The following TMEM135 variants were observed in gnomAD, a reference collection of about 807,000 sequenced individuals.
TMEM135 encodes the protein peroxisomal membrane protein 52.
A neutral mutation model predicts 60.3 loss-of-function variants in TMEM135; 30 were observed. The observed-to-expected ratio is 0.50, with a 90% CI of 0.37 to 0.68. The LOEUF is 0.68. Among genes scored for constraint, TMEM135 ranks in the 30% least tolerant of loss-of-function variants. The pLI, the probability that TMEM135 is intolerant of heterozygous loss-of-function variation, is 0.00. For synonymous variants in TMEM135, 190 were observed against 186.7 expected, an observed-to-expected ratio of 1.02 and a Z score of -0.14; for missense variants, 468 against 548.8, an observed-to-expected ratio of 0.85 and a Z score of 1.47.
intron 13 of TMEM135, among the ~76,000 whole-genome samples, chr11:87,318,630 G>A (rs1942771263): frequency 6.6e-6 from 1 of 151,852 alleles, no homozygotes; most frequent in African/African-American, 2.4e-5. Flanking sequence ...TTCAGAAGGA[G>A]GATGGGGAAG....
intron 3 of TMEM135, among the ~76,000 whole-genome samples, chr11:87,086,294 A>G (rs1857093908): frequency 6.6e-6 from 1 of 152,118 alleles, no homozygotes; most frequent in Non-Finnish European, 1.5e-5. Flanking sequence ...GGAGATCTCC[A>G]CAGCCAGTGA....
chr11:87,106,403 T>C (rs1857598722), intron 4 of TMEM135, among the ~76,000 whole-genome samples: 1 of 152,168 alleles, frequency 6.6e-6, no homozygotes, highest in South Asian at 2.1e-4. Flanking sequence ...TGCACCCGGC[T>C]AACTGACAGT....
chr11:87,100,149 A>G (rs1048223923), intron 4 of TMEM135, among the ~76,000 whole-genome samples: 4 of 152,184 alleles, frequency 2.6e-5, no homozygotes, highest in African/African-American at 9.7e-5. Flanking sequence ...GGAAAATGCA[A>G]AATGTGAATT....
chr11:87,280,230 G>A (rs144912067), intron 6 of TMEM135, among the ~76,000 whole-genome samples: 1 of 152,258 alleles, frequency 6.6e-6, no homozygotes, highest in African/African-American at 2.4e-5. Flanking sequence ...TAAACAAATA[G>A]TACCAAATGA....
chr11:87,201,989 T>C (rs538280210), intron 5 of TMEM135, among the ~76,000 whole-genome samples: 3 of 131,930 alleles, frequency 2.3e-5, no homozygotes, highest in South Asian at 5.1e-4. Context: ...TGTTATGTTA[T>C]GTTATGTTAT....
chr11:87,319,144 C>T (rs1279020533), intron 13 of TMEM135, 166 bp from the exon 14 acceptor site: 3 of 637,506 alleles, frequency 4.7e-6, no homozygotes, highest in Non-Finnish European at 8.5e-6. Context: ...GCTGAGATTA[C>T]AGGTGTGAGC....
chr11:87,077,001 T>C (rs1451781377), intron 3 of TMEM135, among the ~76,000 whole-genome samples: 1 of 152,234 alleles, frequency 6.6e-6, no homozygotes, highest in African/African-American at 2.4e-5. Flanking sequence ...CACTAATTCT[T>C]ATGTATACTC....
chr11:87,166,998 G>A (rs1286922426), intron 5 of TMEM135, among the ~76,000 whole-genome samples: 10 of 152,040 alleles, frequency 6.6e-5, no homozygotes, highest in African/African-American at 2.4e-4. Context: ...GTGGTTTCTG[G>A]ATCTCTTTGA....
At chr11:87,205,744 C>G (rs976764790) in intron 5 of TMEM135, among the ~76,000 whole-genome samples, 1 of 152,126 alleles carries the variant, frequency 6.6e-6, no homozygotes, top group South Asian at 2.1e-4. Flanking sequence ...AAACCTAAGA[C>G]TGGGCTGAAT....
intron 6 of TMEM135, among the ~76,000 whole-genome samples, chr11:87,240,408 A>G (rs1941103799): frequency 6.6e-6 from 1 of 151,900 alleles, no homozygotes; most frequent in African/African-American, 2.4e-5. Context: ...CTTTTTAGAA[A>G]ATTTGGTCTC....
At chr11:87,155,412 G>A (rs991979578) in intron 4 of TMEM135, among the ~76,000 whole-genome samples, 1 of 152,112 alleles carries the variant, frequency 6.6e-6, no homozygotes, top group Non-Finnish European at 1.5e-5. Context: ...ATAGTTTTAG[G>A]TCTTAAATTT....
At chr11:87,253,781 T>G (rs1941469814) in intron 6 of TMEM135, among the ~76,000 whole-genome samples, 1 of 151,208 alleles carries the variant, frequency 6.6e-6, no homozygotes, top group Non-Finnish European at 1.5e-5. Flanking sequence ...GTAATCTTAT[T>G]TCTAAGTTAC....
At position 87,053,295 on chromosome 11, in the gene TMEM135, A is replaced by G. The variant is rs991320487; in HGVS notation, c.142-14399A>G. ...GTGCCTCAATTTGTGCATAAGCAAT[A>G]TATATATATATATGGATACTTTTTT... On this transcript the variant is annotated intron_variant, in intron 1 of 14. Coordinates refer to ENST00000305494, the MANE Select transcript of TMEM135 (RefSeq NM_022918.4). Among the ~76,000 whole-genome samples, 5 of 18,496 alleles carry G rather than the reference A, an allele frequency of 2.7e-4. No individual in the cohort carries two copies. In the African/African-American group the frequency reaches 6.1e-3, roughly 23 times the overall value. The allele number at this position is 18,496 out of a possible 152,430, so 12.1% of individuals were successfully genotyped here. A position where few individuals can be genotyped will look rare whatever the true frequency, so the allele number is the denominator to read the frequency against.
rs537843287 is a variant in TMEM135, at chr11:87,128,685, G to C, written c.397-28656G>C. On this transcript the variant is annotated intron_variant, in intron 4 of 14. Coordinates refer to ENST00000305494, the MANE Select transcript of TMEM135 (RefSeq NM_022918.4). Reference sequence around the variant, plus strand: ...AGGAGTGTCAATTTGCAAACACTTTGGAAAACGGTTTGTTACTTTTAAATA... The same window carrying C: ...AGGAGTGTCAATTTGCAAACACTTTCGAAAACGGTTTGTTACTTTTAAATA... 6.8e-4 allele frequency among the ~76,000 whole-genome samples: 103 copies of C among 152,154 alleles called. 1 individual carries two copies. The highest frequency in any genetic ancestry group is 3.4e-3 in the Middle Eastern group (1 of 294).
At position 87,234,893 on chromosome 11, in the gene TMEM135, A is replaced by G. The variant is rs191334089; in HGVS notation, c.463-1745A>G. ...TAGAACCTGGCAACATTTTGAGGGA[A>G]GGCAGACTTTGGATATTTAGAGAAG... On this transcript the variant is annotated intron_variant, in intron 5 of 14. Transcript: ENST00000305494. 1.7e-3 allele frequency among the ~76,000 whole-genome samples: 261 copies of G among 152,116 alleles called. 1 individual carries two copies. Among genetic ancestry groups the G allele is most frequent in the African/African-American group, 5.9e-3 (245 of 41,550 alleles).
intron 5 of TMEM135, among the ~76,000 whole-genome samples, chr11:87,172,266 ATTCT>A (rs1939257292): frequency 6.6e-6 from 1 of 152,148 alleles, no homozygotes; most frequent in African/African-American, 2.4e-5. Context: ...GTATTTTTTA[ATTCT>A]TTCTTCTTTG....
At chr11:87,261,485 A>G (rs1052255494) in intron 6 of TMEM135, among the ~76,000 whole-genome samples, 10 of 152,218 alleles carry the variant, frequency 6.6e-5, no homozygotes, top group African/African-American at 1.9e-4. Context: ...TGTTAATTGT[A>G]TAAATAATAC....
chr11:87,180,659 G>A (rs1288297173), intron 5 of TMEM135, among the ~76,000 whole-genome samples: 1 of 152,156 alleles, frequency 6.6e-6, no homozygotes, highest in Admixed American at 6.5e-5. Context: ...GCTTTTAGGT[G>A]ACACATATGA....
chr11:87,240,104 A>G (rs1428619267), intron 6 of TMEM135, among the ~76,000 whole-genome samples: 2 of 152,056 alleles, frequency 1.3e-5, no homozygotes, highest in African/African-American at 4.8e-5. Context: ...AGAGGGCTCT[A>G]CTTCTGTTCT....
Sources: allele counts gnomAD v4.1 joint callset (sites outside exome capture counted in the v4.1 genomes callset), GRCh38; gene constraint gnomAD v4.1.1; transcripts MANE v1.5; gene names NCBI Gene and HGNC (gene_info 2026-07-23, HGNC 2026-07-21).